The following AP3B1 variants were observed in gnomAD, a reference collection of about 807,000 sequenced individuals.
AP3B1 encodes the protein adaptor related protein complex 3 subunit beta 1.
Under a neutral mutation model 132.5 loss-of-function variants are expected in AP3B1, and 61 were observed. That is an observed-to-expected ratio of 0.46 (90% CI 0.37 to 0.57). The LOEUF is 0.57. Among genes scored for constraint, AP3B1 ranks in the 20% least tolerant of loss-of-function variants. AP3B1 has a pLI of 0.00. For synonymous variants in AP3B1, 388 were observed against 438.3 expected (o/e 0.89, Z 1.43); for missense variants, 1,120 against 1,289.4 (o/e 0.87, Z 2.01).
chr5:78,294,625 C>T lies in AP3B1; in HGVS notation c.-46G>A, dbSNP rs927390806. The T allele has an allele frequency of 3.7e-6, 6 of 1,612,422 alleles. No homozygotes were observed. Among genetic ancestry groups the T allele is most frequent in the Non-Finnish European group, 5.1e-6 (6 of 1,179,930 alleles). On this transcript the variant is annotated 5_prime_UTR_variant, in exon 1 of 27. Transcript: ENST00000255194. The stretch of plus-strand genomic sequence containing the variant: ...CGGGGTTGGTCCTGCCGGGGGTTCT[C>T]TCCAAAAGGTTCCAGTCCAGAGGGC...
chr5:78,170,448 A>T (rs1053140718), intron 11 of AP3B1, among the ~76,000 whole-genome samples: 2 of 152,114 alleles, frequency 1.3e-5, no homozygotes, highest in African/African-American at 4.8e-5. Context: ...TGATCGCCAT[A>T]CTAACTGGTG....
chr5:78,199,555 C>T (rs1452554106), intron 7 of AP3B1, among the ~76,000 whole-genome samples: 1 of 152,054 alleles, frequency 6.6e-6, no homozygotes, highest in Admixed American at 6.6e-5. Flanking sequence ...TCATTCTCTC[C>T]ATACCTTAAT....
chr5:78,010,779 C>A (rs1746588470), intron 26 of AP3B1, among the ~76,000 whole-genome samples: 1 of 152,046 alleles, frequency 6.6e-6, no homozygotes, highest in Admixed American at 6.6e-5. Flanking sequence ...TAATGCTGTC[C>A]ATTTTGCCCT....
At chr5:78,112,774 G>A (rs908754817) in intron 19 of AP3B1, among the ~76,000 whole-genome samples, 1 of 152,142 alleles carries the variant, frequency 6.6e-6, no homozygotes, top group African/African-American at 2.4e-5. Context: ...ACTCAATTTT[G>A]ATGGTAATTA....
chr5:78,000,611 A>T (rs1207045131), downstream of AP3B1: 3 of 152,244 alleles, frequency 2.0e-5, no homozygotes, highest in Non-Finnish European at 4.4e-5. Context: ...TAATAAATAA[A>T]GCAAATGTAT....
intron 24 of AP3B1, among the ~76,000 whole-genome samples, chr5:78,027,763 TACC>T (rs1304382070): frequency 3.3e-5 from 5 of 152,224 alleles, no homozygotes; most frequent in Non-Finnish European, 7.3e-5. Flanking sequence ...TAAGTATTTG[TACC>T]ACCTTTCTAA....
chr5:78,181,751 C>T (rs893732347), intron 7 of AP3B1, 89 bp from the exon 8 acceptor site: 1 of 1,144,234 alleles, frequency 8.7e-7, no homozygotes, highest in Non-Finnish European at 1.3e-6. Context: ...CTTTAAACAT[C>T]TATAACAACA....
chr5:78,061,807 T>C (rs1749073861), intron 22 of AP3B1, among the ~76,000 whole-genome samples: 1 of 152,194 alleles, frequency 6.6e-6, no homozygotes, highest in Admixed American at 6.5e-5. Flanking sequence ...TTCCTAACCT[T>C]GATTTTAGAG....
chr5:78,293,255 AT>A (rs1749612260), intron 1 of AP3B1, among the ~76,000 whole-genome samples: 1 of 152,208 alleles, frequency 6.6e-6, no homozygotes, highest in African/African-American at 2.4e-5. Context: ...TGCGAAACAG[AT>A]TGATGCCGAT....
Position 78,228,191 on chromosome 5 carries a change from G to C in AP3B1, c.328C>G (p.Gln110Glu), listed in dbSNP as rs751046614. 3 of 1,611,660 alleles carry C rather than the reference G, an allele frequency of 1.9e-6. No homozygotes were observed. The highest frequency in any genetic ancestry group is 2.5e-6 in the Non-Finnish European group (3 of 1,179,134). ...VYLVRYAEEQ[Q>E]DLALLSISTF... ...CTTATGGACAGGAGTGCAAGATCCT[G>C]CTGTTCTTCAGCATATCGAACCAGG... Residue 110 changes from glutamine to glutamate, a missense_variant, in exon 4 of 27, where the codon CAG becomes GAG. Gln to Glu is a conservative substitution (Grantham distance 29). Transcript: ENST00000255194.
At chr5:78,192,271 G>C (rs1744873393) in intron 7 of AP3B1, among the ~76,000 whole-genome samples, 1 of 152,038 alleles carries the variant, frequency 6.6e-6, no homozygotes, top group African/African-American at 2.4e-5. Flanking sequence ...AGGGAATCTA[G>C]AAAATGAATT....
intron 22 of AP3B1, among the ~76,000 whole-genome samples, chr5:78,072,475 T>C (rs1749580296): frequency 6.6e-6 from 1 of 152,148 alleles, no homozygotes; most frequent in Non-Finnish European, 1.5e-5. Context: ...AATCTAAAGG[T>C]ATATGCCTTC....
chr5:78,153,347 T>C (rs2112351478), intron 14 of AP3B1, among the ~76,000 whole-genome samples: 1 of 152,304 alleles, frequency 6.6e-6, no homozygotes, highest in South Asian at 2.1e-4. Context: ...ACAGACATTT[T>C]GTCTGATGTA....
At chr5:78,121,998 A>G (rs1029397094) in intron 17 of AP3B1, 4 of 152,238 alleles carry the variant, frequency 2.6e-5, no homozygotes, top group African/African-American at 9.6e-5. Context: ...CTTATCCACC[A>G]TGATCAAGTG....
intron 1 of AP3B1, among the ~76,000 whole-genome samples, chr5:78,284,282 G>C (rs1749179938): frequency 6.6e-6 from 1 of 152,082 alleles, no homozygotes; most frequent in Non-Finnish European, 1.5e-5. Flanking sequence ...CTGTCTGCCT[G>C]GTATACACAG....
intron 22 of AP3B1, among the ~76,000 whole-genome samples, chr5:78,087,232 T>C (rs1344538558): frequency 2.0e-5 from 3 of 152,204 alleles, no homozygotes; most frequent in African/African-American, 7.2e-5. Flanking sequence ...CCTAGACTTG[T>C]TGAGATCTCA....
intron 7 of AP3B1, among the ~76,000 whole-genome samples, chr5:78,193,770 A>ATATATATATTTTTTTT: frequency 2.5e-4 from 17 of 67,208 alleles, no homozygotes; most frequent in Admixed American, 1.1e-3. Flanking sequence ...ATATATATAT[A>ATATATATATTTTTTTT]TTTTTTTTTT....
chr5:78,228,853 A>C (rs557490363), intron 3 of AP3B1, among the ~76,000 whole-genome samples: 8 of 152,360 alleles, frequency 5.3e-5, no homozygotes, highest in African/African-American at 1.7e-4. Flanking sequence ...CAGTAAGAAT[A>C]ATGTGTGACT....
chr5:78,204,710 G>C (rs1380026263), intron 7 of AP3B1, among the ~76,000 whole-genome samples: 1 of 152,168 alleles, frequency 6.6e-6, no homozygotes, highest in Non-Finnish European at 1.5e-5. Context: ...GGATCCTCCA[G>C]GCAGGTCAAA....
Sources: allele counts gnomAD v4.1 joint callset (sites outside exome capture counted in the v4.1 genomes callset), GRCh38; gene constraint gnomAD v4.1.1; transcripts MANE v1.5; gene names NCBI Gene and HGNC (gene_info 2026-07-23, HGNC 2026-07-21).